Variants in CCDC3 observed in about 807,000 individuals in gnomAD.
The protein encoded by CCDC3 is coiled-coil domain-containing protein 3.
A neutral mutation model predicts 21.4 loss-of-function variants in CCDC3; 24 were observed. The ratio of observed to expected loss-of-function variants is 1.12; its 90% CI spans 0.81 to 1.58. The LOEUF is 1.58. CCDC3 is among the 40% of genes most tolerant of loss of function. The pLI, the probability that CCDC3 is intolerant of heterozygous loss-of-function variation, is 0.00. For synonymous variants in CCDC3, 186 were observed against 166.0 expected, an observed-to-expected ratio of 1.12 and a Z score of -0.93; for missense variants, 425 against 360.9, an observed-to-expected ratio of 1.18 and a Z score of -1.44.
At chr10:12,912,701 T>C (rs974498778) in intron 2 of CCDC3, among the ~76,000 whole-genome samples, 2 of 152,228 alleles carry the variant, frequency 1.3e-5, no homozygotes, top group Non-Finnish European at 2.9e-5. Flanking sequence ...ACCAATGTCA[T>C]GGAGCTCTGC....
chr10:13,027,741 A>T (rs985275756), intron 5 of CCDC3, among the ~76,000 whole-genome samples: 1 of 151,658 alleles, frequency 6.6e-6, no homozygotes, highest in Admixed American at 6.6e-5. Flanking sequence ...AACAAAAAAA[A>T]ACTACTCAGT....
Position 12,995,907 on chromosome 10 carries a change from C to T in CCDC3, c.549+2431G>A, listed in dbSNP as rs112253472. 4.5e-3 allele frequency among the ~76,000 whole-genome samples: 688 copies of T among 152,220 alleles called. 1 individual carries two copies. The highest frequency in any genetic ancestry group is 8.4e-3 in the Non-Finnish European group (571 of 68,004). On this transcript the variant is annotated intron_variant, in intron 2 of 2. Transcript: ENST00000378825. ...CCCAAATGATGGAAAAATCTAATTC[C>T]AGAAAAATGTTAGTAGCTAGATTGT...
intron 2 of CCDC3, among the ~76,000 whole-genome samples, chr10:12,993,389 A>G (rs896515787): frequency 2.0e-5 from 3 of 152,144 alleles, no homozygotes; most frequent in Non-Finnish European, 4.4e-5. Flanking sequence ...TTACAAGTTG[A>G]GCTTAGAGAA....
At chr10:13,039,593 A>C (rs973764171) in intron 5 of CCDC3, among the ~76,000 whole-genome samples, 21 of 152,190 alleles carry the variant, frequency 1.4e-4, no homozygotes, top group African/African-American at 4.8e-4. Context: ...CTGGTCACAA[A>C]TAGTAAGTTA....
intron 3 of CCDC3, among the ~76,000 whole-genome samples, chr10:13,077,511 T>G (rs562972322): frequency 7.7e-4 from 117 of 152,220 alleles, no homozygotes; most frequent in Middle Eastern, 3.4e-3. Flanking sequence ...AAAAACTACT[T>G]TAAAGTTCAT....
At chr10:13,054,826 G>A (rs1443861109) in intron 4 of CCDC3, among the ~76,000 whole-genome samples, 1 of 152,000 alleles carries the variant, frequency 6.6e-6, no homozygotes, top group Non-Finnish European at 1.5e-5. Context: ...CTCACTACGC[G>A]TGGCTAATTT....
intron 5 of CCDC3, among the ~76,000 whole-genome samples, chr10:13,018,329 C>G (rs1326922388): frequency 6.6e-6 from 1 of 152,006 alleles, no homozygotes; most frequent in African/African-American, 2.4e-5. Context: ...TGGGCCCTCT[C>G]AAGAGAATGT....
At chr10:12,920,917 TAAG>T (rs201798065) in intron 2 of CCDC3, among the ~76,000 whole-genome samples, 5 of 152,280 alleles carry the variant, frequency 3.3e-5, no homozygotes, top group East Asian at 1.9e-4. Flanking sequence ...GGTCTTCAAA[TAAG>T]AAGATTTATT....
intron 5 of CCDC3, among the ~76,000 whole-genome samples, chr10:13,008,247 G>T (rs1835947506): frequency 6.6e-6 from 1 of 152,228 alleles, no homozygotes; most frequent in Non-Finnish European, 1.5e-5. Flanking sequence ...GGATGTCAGT[G>T]CATGAGCAAG....
intron 5 of CCDC3, among the ~76,000 whole-genome samples, chr10:13,006,976 G>A (rs1835931662): frequency 6.6e-6 from 1 of 152,176 alleles, no homozygotes; most frequent in South Asian, 2.1e-4. Context: ...TCTGCCAATC[G>A]AAACATTCTG....
intron 2 of CCDC3, among the ~76,000 whole-genome samples, chr10:12,906,801 G>C (rs1379233441): frequency 6.6e-6 from 1 of 152,136 alleles, no homozygotes; most frequent in Non-Finnish European, 1.5e-5. Flanking sequence ...CTGGTGTAGG[G>C]TGAAGGACAC....
At chr10:13,050,778 T>C (rs1836596173) in intron 4 of CCDC3, among the ~76,000 whole-genome samples, 2 of 151,778 alleles carry the variant, frequency 1.3e-5, no homozygotes, top group African/African-American at 4.8e-5. Flanking sequence ...TCTTTATCAT[T>C]ACGTTTTAGT....
At chr10:13,046,913 A>G (rs529484057) in intron 5 of CCDC3, among the ~76,000 whole-genome samples, 1 of 151,746 alleles carries the variant, frequency 6.6e-6, no homozygotes, top group South Asian at 2.1e-4. Flanking sequence ...CTGCAAAAAG[A>G]TTTATTACTT....
At chr10:13,082,633 C>T (rs1564343071) in intron 3 of CCDC3, among the ~76,000 whole-genome samples, 2 of 152,242 alleles carry the variant, frequency 1.3e-5, no homozygotes, top group South Asian at 4.1e-4. Flanking sequence ...CTTCCCTAGG[C>T]ACTGACATTA....
intron 2 of CCDC3, among the ~76,000 whole-genome samples, chr10:12,942,436 C>T (rs1356867686): frequency 6.6e-6 from 1 of 152,146 alleles, no homozygotes; most frequent in South Asian, 2.1e-4. Flanking sequence ...TAAGAAAGAA[C>T]AGTCTGCAAA....
intron 2 of CCDC3, among the ~76,000 whole-genome samples, chr10:12,984,646 C>G (rs1347359617): frequency 1.3e-5 from 2 of 152,198 alleles, no homozygotes; most frequent in African/African-American, 4.8e-5. Context: ...GGAAACAAAT[C>G]AAATGCCAAA....
intron 5 of CCDC3, among the ~76,000 whole-genome samples, chr10:13,025,399 T>A (rs1836201645): frequency 6.6e-6 from 1 of 152,148 alleles, no homozygotes; most frequent in Non-Finnish European, 1.5e-5. Context: ...GCTCATCAGG[T>A]AGCCAAACAC....
intron 2 of CCDC3, among the ~76,000 whole-genome samples, chr10:12,927,405 C>T (rs1834560373): frequency 6.6e-6 from 1 of 152,220 alleles, no homozygotes; most frequent in Non-Finnish European, 1.5e-5. Context: ...CTAGCTAATA[C>T]TCAGTACAAC....
chr10:13,064,716 G>A (rs1836803716), intron 4 of CCDC3, among the ~76,000 whole-genome samples: 2 of 152,094 alleles, frequency 1.3e-5, no homozygotes, highest in African/African-American at 4.8e-5. Context: ...AACCTGGAAG[G>A]CGGAGCTTGC....
Sources: gnomAD v4.1 joint callset for allele counts (sites outside exome capture counted in the v4.1 genomes callset) on GRCh38, gnomAD v4.1.1 for gene constraint, MANE v1.5 for transcripts, NCBI Gene and HGNC (gene_info 2026-07-23, HGNC 2026-07-21) for gene names.